The following FLRT3 variants were observed in gnomAD, a reference collection of about 807,000 sequenced individuals.
The protein encoded by FLRT3 is leucine-rich repeat transmembrane protein FLRT3.
In FLRT3, 17 loss-of-function variants were observed where a neutral mutation model predicts 42.6. That is an observed-to-expected ratio of 0.40 (90% CI 0.27 to 0.60). The LOEUF is 0.60. Ranked by LOEUF, FLRT3 falls within the 20% of genes least tolerant of loss-of-function variation. The probability of loss-of-function intolerance (pLI) is 0.44; values close to 1 mark genes in which losing one functional copy is unlikely to be tolerated. For synonymous variants in FLRT3, 279 were observed against 286.4 expected (o/e 0.97, Z 0.26); for missense variants, 635 against 789.2 (o/e 0.80, Z 2.34).
intron 1 of FLRT3, among the ~76,000 whole-genome samples, chr20:14,329,932 G>C (rs1031301788): frequency 4.6e-5 from 7 of 151,922 alleles, no homozygotes; most frequent in African/African-American, 1.7e-4. Context: ...TAGTGATCTT[G>C]AAACTCTAAG....
chr20:14,334,404 A>T (rs901758885), intron 1 of FLRT3, among the ~76,000 whole-genome samples: 39 of 152,224 alleles, frequency 2.6e-4, no homozygotes, highest in African/African-American at 9.4e-4. Flanking sequence ...AATTTTTGAA[A>T]TGGTGGAATG....
chr20:14,325,768 G>A lies in FLRT3; in HGVS notation c.1739C>T (p.Thr580Ile). The A allele has an allele frequency of 6.2e-7, 1 of 1,613,828 alleles. No individual in the cohort carries two copies. Among genetic ancestry groups the A allele is most frequent in the Non-Finnish European group, 8.5e-7 (1 of 1,179,852 alleles). The change falls in exon 3 of 3, where the codon ACT (threonine) becomes ATT (isoleucine). Residue 580 changes from threonine (T) to isoleucine (I), a missense_variant. Thr to Ile is a moderately conservative substitution (Grantham distance 89). Transcript: ENST00000341420. ...TTCCAGGATAGAGTTGTCCTTCTTA[G>A]TGCCAGCTTCTGCATAGTCATCCTT... ...RRKDDYAEAGTKKDNSILEIR... is the reference protein window; with the variant it reads ...RRKDDYAEAGIKKDNSILEIR...
chr20:14,330,516 A>G lies in FLRT3; in HGVS notation c.-246-1189T>C, dbSNP rs551480940. On this transcript the variant is annotated intron_variant, in intron 1 of 2. Transcript: ENST00000341420. ...AACGAGTATGTTAAATAAGGCCACA[A>G]TTTGTGTTTCTGGTTCTCTCCAAAA... is the stretch of plus-strand genomic sequence containing the variant. 2.0e-4 allele frequency among the ~76,000 whole-genome samples: 30 copies of G among 152,214 alleles called. No homozygotes were observed. The South Asian group carries it at 5.8e-3, about 29-fold the overall frequency.
chr20:14,334,620 C>A (rs1336558790), intron 1 of FLRT3, among the ~76,000 whole-genome samples: 1 of 148,814 alleles, frequency 6.7e-6, no homozygotes, highest in East Asian at 2.0e-4. Context: ...ACAAAGCCTC[C>A]CGTTGAGAAG....
chr20:14,325,761 C>T lies in FLRT3; in HGVS notation c.1746G>A (p.Lys582=). 2.5e-6 allele frequency: 4 copies of T among 1,613,830 alleles called. No individual in the cohort carries two copies. The highest frequency in any genetic ancestry group is 1.3e-5 in the African/African-American group (1 of 75,006). Residue 582 remains lysine, a synonymous_variant, in exon 3 of 3, where the codon AAG becomes AAA. Coordinates refer to ENST00000341420, the MANE Select transcript of FLRT3 (RefSeq NM_198391.3). ...KDDYAEAGTK[K]DNSILEIRET... ...CCCTGATTTCCAGGATAGAGTTGTCCTTCTTAGTGCCAGCTTCTGCATAGT... is the reference window on the plus strand; with the variant it reads ...CCCTGATTTCCAGGATAGAGTTGTCTTTCTTAGTGCCAGCTTCTGCATAGT...
intron 2 of FLRT3, 52 bp downstream of exon 2, chr20:14,329,082 G>A (rs942603271): frequency 1.3e-5 from 2 of 151,978 alleles, no homozygotes; most frequent in African/African-American, 4.8e-5. Context: ...TCCCATCCAG[G>A]ATTATCCAAG....
chr20:14,327,573 G>T lies in FLRT3; in HGVS notation c.-52-15C>A. 6.7e-7 allele frequency: 1 copy of T among 1,485,750 alleles called. No homozygotes were observed. The highest frequency in any genetic ancestry group is 9.0e-7 in the Non-Finnish European group (1 of 1,111,720). The allele number at this position is 1,485,750 out of a possible 1,614,324, so 92.0% of individuals were successfully genotyped here. On this transcript the variant is annotated splice_polypyrimidine_tract_variant and intron_variant, in intron 2 of 2. Transcript: ENST00000341420. ...ACTTCAGAACCCTAAAATGAAGTGA[G>T]TAAAAAAAGACAGAAAACAATAAGG...
In FLRT3 at chr20:14,326,927, A is replaced by T; in HGVS notation, c.580T>A (p.Ser194Thr). ...TTTAGACTAGTGAGACCTTGAAGAG[A>T]TGGTGATGAAATAGTGGATATGCGA... Reference protein sequence around the residue: ...DNRISTISSPSLQGLTSLKRL... With the variant: ...DNRISTISSPTLQGLTSLKRL... Residue 194 changes from serine to threonine, a missense_variant, in exon 3 of 3, where the codon TCT becomes ACT. Physicochemically the swap from Ser to Thr is moderately conservative, Grantham distance 58. Coordinates refer to ENST00000341420, the MANE Select transcript of FLRT3 (RefSeq NM_198391.3). This position sits in a 1 kb window ranked among gnomAD's most constrained non-coding sequence, Gnocchi z 5.5. 1 of 1,613,760 alleles carries T rather than the reference A, an allele frequency of 6.2e-7. No individual in the cohort carries two copies. Among genetic ancestry groups the T allele is most frequent in the Non-Finnish European group, 8.5e-7 (1 of 1,179,786 alleles).
Position 14,327,280 on chromosome 20 carries a change from G to T in FLRT3, c.227C>A (p.Pro76His), listed in dbSNP as rs1568559258. The change falls in exon 3 of 3, where the codon CCT (proline) becomes CAT (histidine). Residue 76 changes from proline to histidine, a missense_variant. Physicochemically the swap from Pro to His is moderately conservative, Grantham distance 77 (BLOSUM62 -2). Coordinates refer to ENST00000341420, the MANE Select transcript of FLRT3 (RefSeq NM_198391.3). ...TTTCAGCAAGTTTTTCAAATCTGAA[G>T]GAATCCCAGCATTATTTATTTGGTT... The part of the protein sequence containing the change: ...QNNQINNAGI[P>H]SDLKNLLKVE... 3.1e-6 allele frequency: 5 copies of T among 1,613,796 alleles called. No individual in the cohort carries two copies. The East Asian group carries it at 1.1e-4, about 36-fold the overall frequency.
chr20:14,324,663 C>T lies in FLRT3; in HGVS notation c.*894G>A, dbSNP rs1251777825. ...ATGATAAAAACATCATAAACACTAACAATTTTGTGTTTATAATTCACTTTT... is the reference window on the plus strand; with the variant it reads ...ATGATAAAAACATCATAAACACTAATAATTTTGTGTTTATAATTCACTTTT... On this transcript the variant is annotated 3_prime_UTR_variant, in exon 3 of 3. Coordinates refer to ENST00000341420, the MANE Select transcript of FLRT3 (RefSeq NM_198391.3). 1 of 152,004 alleles carries T rather than the reference C, an allele frequency of 6.6e-6. No homozygotes were observed. The highest frequency in any genetic ancestry group is 1.5e-5 in the Non-Finnish European group (1 of 67,988). 9.4% of individuals were successfully genotyped at this position (152,004 alleles called of 1,614,324 possible).
intron 2 of FLRT3, 166 bp downstream of exon 2, chr20:14,328,968 A>G (rs2082785217): frequency 2.0e-5 from 3 of 151,940 alleles, no homozygotes; most frequent in South Asian, 4.1e-4. Context: ...CTTCTGTGCA[A>G]TGTGGTCAGA....
At chr20:14,330,744 T>A (rs2082820735) in intron 1 of FLRT3, among the ~76,000 whole-genome samples, 1 of 152,126 alleles carries the variant, frequency 6.6e-6, no homozygotes, top group African/African-American at 2.4e-5. Flanking sequence ...ATTTATTGTT[T>A]AATGTGAGGT....
chr20:14,326,991 A>G lies in FLRT3; in HGVS notation c.516T>C (p.Gly172=). The change falls in exon 3 of 3, where the codon GGT becomes GGC. Residue 172 remains glycine (G), a synonymous_variant. Transcript: ENST00000341420. This position sits in a 1 kb window ranked among gnomAD's most constrained non-coding sequence, Gnocchi z 5.5. ...GTAGTTCTTCTATAGTCCTGGGCAA[A>G]CCCCAGGGAATTGTGCTAAGGTGAT... is the stretch of plus-strand genomic sequence containing the variant. ...SRNHLSTIPW[G]LPRTIEELRL... The G allele has an allele frequency of 6.2e-7, 1 of 1,613,708 alleles. No homozygotes were observed. Among genetic ancestry groups the G allele is most frequent in the East Asian group, 2.2e-5 (1 of 44,844 alleles).
intron 1 of FLRT3, among the ~76,000 whole-genome samples, chr20:14,331,701 G>A (rs1211568603): frequency 6.6e-6 from 1 of 152,088 alleles, no homozygotes; most frequent in Non-Finnish European, 1.5e-5. Flanking sequence ...GTGCTAAACA[G>A]ATTTTTGGGT....
intron 1 of FLRT3, 140 bp from the exon 2 acceptor site, chr20:14,329,467 CTT>C: frequency 6.6e-6 from 1 of 152,144 alleles, no homozygotes; most frequent in East Asian, 1.9e-4. Flanking sequence ...AGGTTGACCT[CTT>C]TGTTTTTAGA....
At chr20:14,334,748 CTTTA>C (rs984783085) in intron 1 of FLRT3, among the ~76,000 whole-genome samples, 1 of 151,474 alleles carries the variant, frequency 6.6e-6, no homozygotes, top group Non-Finnish European at 1.5e-5. Flanking sequence ...CCATTGTTGA[CTTTA>C]TTTATGGTAG....
At position 14,337,475 on chromosome 20, in the gene FLRT3, G is replaced by A. The variant is rs569720783; in HGVS notation, c.-318C>T. On this transcript the variant is annotated 5_prime_UTR_variant, in exon 1 of 3. Transcript: ENST00000341420. ...GTAATTCCATTGACAGTGAATTGGA[G>A]TAATAGCCCTCCCCCGTCTCCCAAG... 188 of 397,682 alleles carry A rather than the reference G, an allele frequency of 4.7e-4. No homozygotes were observed. The highest frequency in any genetic ancestry group is 6.5e-4 in the Non-Finnish European group (147 of 225,668). The allele number at this position is 397,682 out of a possible 1,614,324, so 24.6% of individuals were successfully genotyped here.
In FLRT3 at chr20:14,324,550, A is replaced by G. The variant is rs2082704389; in HGVS notation, c.*1007T>C. The stretch of plus-strand genomic sequence containing the variant: ...TTTTTCTTTAAATTATCTCTTATTT[A>G]AAGAACTACTTTCTCTGGATTGTTG... On this transcript the variant is annotated 3_prime_UTR_variant, in exon 3 of 3. Coordinates refer to ENST00000341420, the MANE Select transcript of FLRT3 (RefSeq NM_198391.3). The G allele has an allele frequency of 6.6e-6, 1 of 152,348 alleles. No individual in the cohort carries two copies. The highest frequency in any genetic ancestry group is 6.6e-5 in the Admixed American group (1 of 15,266). 9.4% of individuals were successfully genotyped at this position (152,348 alleles called of 1,614,324 possible).
Position 14,325,507 on chromosome 20 carries a change from C to A in FLRT3, c.*50G>T. ...AGAACAGGGTTCCTACCATCACCTC[C>A]CTTAGGTTTAAAAAACCCAAAACAC... is the stretch of plus-strand genomic sequence containing the variant. On this transcript the variant is annotated 3_prime_UTR_variant, in exon 3 of 3. Coordinates refer to ENST00000341420, the MANE Select transcript of FLRT3 (RefSeq NM_198391.3). 1.3e-6 allele frequency: 2 copies of A among 1,551,702 alleles called. No individual in the cohort carries two copies. The highest frequency in any genetic ancestry group is 1.7e-6 in the Non-Finnish European group (2 of 1,149,910).
Sources: allele counts gnomAD v4.1 joint callset (sites outside exome capture counted in the v4.1 genomes callset), GRCh38; gene constraint gnomAD v4.1.1; non-coding constraint Gnocchi (gnomAD v3.1); transcripts MANE v1.5; gene names NCBI Gene and HGNC (gene_info 2026-07-23, HGNC 2026-07-21).